Variants in UNC5D observed in about 807,000 individuals in gnomAD.
UNC5D encodes netrin receptor UNC5D.
Under a neutral mutation model 105.4 loss-of-function variants are expected in UNC5D, and 39 were observed. The observed-to-expected ratio is 0.37, with a 90% CI of 0.29 to 0.48. The LOEUF (loss-of-function observed/expected upper bound fraction) is 0.48, where lower values mean the gene tolerates loss of function less well. Ranked by LOEUF, UNC5D falls within the 20% of genes least tolerant of loss-of-function variation. The probability of loss-of-function intolerance (pLI) is 0.98; values close to 1 mark genes in which losing one functional copy is unlikely to be tolerated. For missense variants in UNC5D, 991 were observed against 1,202.4 expected (o/e 0.82, Z 2.60); for synonymous variants, 452 against 450.4 (o/e 1.00, Z -0.04).
At chr8:35,291,009 C>T (rs1807026038) in intron 1 of UNC5D, among the ~76,000 whole-genome samples, 1 of 151,004 alleles carries the variant, frequency 6.6e-6, no homozygotes. Flanking sequence ...GAAGGGTAAC[C>T]AGAAATCAGC....
intron 1 of UNC5D, among the ~76,000 whole-genome samples, chr8:35,264,199 T>C (rs1804676860): frequency 6.6e-6 from 1 of 152,224 alleles, no homozygotes; most frequent in Non-Finnish European, 1.5e-5. Context: ...AAATTGTAGC[T>C]TATCAATTCA....
chr8:35,407,863 A>G lies in UNC5D; in HGVS notation c.104-141429A>G, dbSNP rs532924227. Among the ~76,000 whole-genome samples the G allele has an allele frequency of 2.0e-5, 3 of 152,260 alleles. No homozygotes were observed. The South Asian group carries it at 6.2e-4, about 32-fold the overall frequency. ...ACTCCATCCATTTCCCTGCAATGAC[A>G]TGATCTCTTTCTTTTTTATGGCTGC... On this transcript the variant is annotated intron_variant, in intron 1 of 16. Transcript: ENST00000404895.
At chr8:35,511,776 T>C (rs905346103) in intron 1 of UNC5D, among the ~76,000 whole-genome samples, 1 of 152,028 alleles carries the variant, frequency 6.6e-6, no homozygotes, top group Non-Finnish European at 1.5e-5. Context: ...TAAGAAAGTT[T>C]ATGAATTTGT....
At chr8:35,773,452 A>AC (rs1802097383) in intron 15 of UNC5D, among the ~76,000 whole-genome samples, 2 of 152,176 alleles carry the variant, frequency 1.3e-5, no homozygotes, top group African/African-American at 4.8e-5. Flanking sequence ...CTTATTATAA[A>AC]ATCACACAAC....
Position 35,791,549 on chromosome 8 carries a change from C to A in UNC5D, c.*986C>A, listed in dbSNP as rs1803043416. On this transcript the variant is annotated 3_prime_UTR_variant, in exon 17 of 17. Transcript: ENST00000404895. ...TTGTTATAAGAAAATGAGTTTACTG[C>A]ATTTTTCAATCCAGATTCTTGAAAT... 1 of 152,160 alleles carries A rather than the reference C, an allele frequency of 6.6e-6. No individual in the cohort carries two copies. The highest frequency in any genetic ancestry group is 2.1e-4 in the South Asian group (1 of 4,826). 9.4% of individuals were successfully genotyped at this position (152,160 alleles called of 1,614,324 possible).
chr8:35,619,890 A>T (rs1184932037), intron 4 of UNC5D, among the ~76,000 whole-genome samples: 2 of 152,138 alleles, frequency 1.3e-5, no homozygotes, highest in Non-Finnish European at 2.9e-5. Flanking sequence ...GGAGATTATG[A>T]GAGACAGTGT....
At chr8:35,314,085 T>C (rs1234586074) in intron 1 of UNC5D, among the ~76,000 whole-genome samples, 1 of 152,154 alleles carries the variant, frequency 6.6e-6, no homozygotes, top group African/African-American at 2.4e-5. Flanking sequence ...AAAAATCTAG[T>C]TGAAATTACT....
intron 1 of UNC5D, among the ~76,000 whole-genome samples, chr8:35,328,493 A>C (rs963499946): frequency 6.6e-6 from 1 of 152,186 alleles, no homozygotes; most frequent in African/African-American, 2.4e-5. Context: ...TTTATGAACT[A>C]ATAGTTCCCA....
intron 7 of UNC5D, among the ~76,000 whole-genome samples, chr8:35,705,166 G>A (rs1054561886): frequency 7.2e-5 from 11 of 152,028 alleles, no homozygotes; most frequent in Admixed American, 5.9e-4. Flanking sequence ...GGGTTTCACC[G>A]TGTTAGCCAG....
chr8:35,355,282 G>C (rs1801485935), intron 1 of UNC5D, among the ~76,000 whole-genome samples: 2 of 152,060 alleles, frequency 1.3e-5, no homozygotes, highest in African/African-American at 4.8e-5. Flanking sequence ...TCATCAATCA[G>C]CTCAAACCTC....
chr8:35,498,163 CTGTT>C (rs1811733709), intron 1 of UNC5D, among the ~76,000 whole-genome samples: 1 of 140,188 alleles, frequency 7.1e-6, no homozygotes, highest in Non-Finnish European at 1.5e-5. Context: ...GAAAAAGGAA[CTGTT>C]AAAGGTCATA....
Position 35,683,760 on chromosome 8 carries a change from G to T in UNC5D, c.751+33G>T, listed in dbSNP as rs575063537. The T allele has an allele frequency of 2.7e-4, 394 of 1,453,298 alleles. 6 individuals are homozygous for T. In the South Asian group the frequency reaches 6.0e-3, roughly 22 times the overall value. The allele number at this position is 1,453,298 out of a possible 1,614,324, so 90.0% of individuals were successfully genotyped here. On this transcript the variant is annotated intron_variant, in intron 5 of 16. Transcript: ENST00000404895. ...CATTCCAAAGGCCAGGAATGGATAG[G>T]GAGGGCAGAAAGAGGTAGAGGGATG... is the stretch of plus-strand genomic sequence containing the variant.
intron 1 of UNC5D, among the ~76,000 whole-genome samples, chr8:35,445,839 G>A (rs1349727509): frequency 6.6e-6 from 1 of 151,972 alleles, no homozygotes; most frequent in Middle Eastern, 3.2e-3. Context: ...TACATCTGTA[G>A]TATTTATTTA....
chr8:35,607,860 C>T (rs981470673), intron 4 of UNC5D, among the ~76,000 whole-genome samples: 9 of 148,628 alleles, frequency 6.1e-5, no homozygotes, highest in African/African-American at 2.4e-4. Flanking sequence ...TAACCCCTAA[C>T]CCTAACCCTA....
intron 1 of UNC5D, among the ~76,000 whole-genome samples, chr8:35,322,981 T>C (rs1387019156): frequency 6.6e-6 from 1 of 152,150 alleles, no homozygotes. Context: ...GCTTCTTTAT[T>C]TTAGCCCAGG....
At chr8:35,553,785 T>C (rs562517238) in intron 2 of UNC5D, among the ~76,000 whole-genome samples, 1 of 152,292 alleles carries the variant, frequency 6.6e-6, no homozygotes, top group Non-Finnish European at 1.5e-5. Flanking sequence ...TTACCTCCCT[T>C]GGGTTCTCCA....
At chr8:35,789,700 T>G (rs185486861) in intron 16 of UNC5D, among the ~76,000 whole-genome samples, 3 of 152,246 alleles carry the variant, frequency 2.0e-5, no homozygotes, top group Admixed American at 2.0e-4. Flanking sequence ...CTATCTATGT[T>G]GTTTGATAAC....
chr8:35,298,594 T>G (rs901534437), intron 1 of UNC5D, among the ~76,000 whole-genome samples: 1 of 149,418 alleles, frequency 6.7e-6, no homozygotes, highest in Non-Finnish European at 1.5e-5. Flanking sequence ...AGGTTTTTTT[T>G]TTTTTTTTTT....
At chr8:35,264,593 G>C (rs989532127) in intron 1 of UNC5D, among the ~76,000 whole-genome samples, 3 of 151,938 alleles carry the variant, frequency 2.0e-5, no homozygotes, top group African/African-American at 7.3e-5. Flanking sequence ...AGCCAGGTGT[G>C]GTGGCAGGTG....
Sources: gnomAD v4.1 joint callset for allele counts (sites outside exome capture counted in the v4.1 genomes callset) on GRCh38, gnomAD v4.1.1 for gene constraint, MANE v1.5 for transcripts, NCBI Gene and HGNC (gene_info 2026-07-23, HGNC 2026-07-21) for gene names.